EFCAB6: variants seen among roughly 807,000 people sequenced by gnomAD.
EFCAB6 encodes EF-hand calcium-binding domain-containing protein 6.
Under a neutral mutation model 169.8 loss-of-function variants are expected in EFCAB6, and 156 were observed. That is an observed-to-expected ratio of 0.92 (90% CI 0.81 to 1.05). The LOEUF (loss-of-function observed/expected upper bound fraction) is 1.05, where lower values mean the gene tolerates loss of function less well. Among genes scored for constraint, EFCAB6 ranks in the 50% least tolerant of loss-of-function variants. The pLI, the probability that EFCAB6 is intolerant of heterozygous loss-of-function variation, is 0.00. For synonymous variants in EFCAB6, 698 were observed against 676.4 expected (o/e 1.03, Z -0.50); for missense variants, 1,800 against 1,829.1 (o/e 0.98, Z 0.29).
chr22:43,673,489 T>C (rs2057583866), intron 13 of EFCAB6, among the ~76,000 whole-genome samples: 2 of 152,148 alleles, frequency 1.3e-5, no homozygotes, highest in Admixed American at 6.5e-5. Flanking sequence ...TAAAATTAGA[T>C]AGCAGGCCAG....
rs2054698007 is a variant in EFCAB6, at chr22:43,628,597, C to A, written c.2233-1918G>T. On this transcript the variant is annotated intron_variant, in intron 19 of 31. Transcript: ENST00000262726. This position sits in a 1 kb window ranked among gnomAD's most constrained non-coding sequence, Gnocchi z 4.8. ...GCCGTGGCCCACAAGCCTGTCTACA[C>A]CCCCATCCCACCCGTCCCCTCACTG... 6.6e-6 allele frequency among the ~76,000 whole-genome samples: 1 copy of A among 152,170 alleles called. No individual in the cohort carries two copies. The highest frequency in any genetic ancestry group is 2.4e-5 in the African/African-American group (1 of 41,430).
chr22:43,593,061 G>A (rs2147439305), intron 23 of EFCAB6, among the ~76,000 whole-genome samples: 1 of 135,810 alleles, frequency 7.4e-6, no homozygotes, highest in Middle Eastern at 3.6e-3. Context: ...GTATAGAGGA[G>A]GAGGTAAAAA....
intron 17 of EFCAB6, among the ~76,000 whole-genome samples, chr22:43,658,993 T>C (rs1227336505): frequency 6.6e-6 from 1 of 152,256 alleles, no homozygotes; most frequent in Non-Finnish European, 1.5e-5. Flanking sequence ...CTTTGCTCCG[T>C]GTGCTGAATC....
At chr22:43,709,631 A>C (rs1164003702) in intron 10 of EFCAB6, among the ~76,000 whole-genome samples, 1 of 152,246 alleles carries the variant, frequency 6.6e-6, no homozygotes, top group Non-Finnish European at 1.5e-5. Context: ...ATGTGGAACA[A>C]TGAAAATAGT....
In EFCAB6 at chr22:43,576,366, T is replaced by C; in HGVS notation, c.3351A>G (p.Leu1117=). Residue 1117 remains leucine, a synonymous_variant, in exon 26 of 32, where the codon CTA becomes CTG. Transcript: ENST00000262726. The stretch of plus-strand genomic sequence containing the variant: ...TTATATAGGGGGTTAGATGAATTCT[T>C]AGTTTCCTCAAAAAATAATGATACT... The part of the protein sequence containing the change: ...DNQYHYFLRK[L]RIHLTPYINW... 1 of 1,600,100 alleles carries C rather than the reference T, an allele frequency of 6.2e-7. No homozygotes were observed. The highest frequency in any genetic ancestry group is 8.5e-7 in the Non-Finnish European group (1 of 1,176,520).
chr22:43,618,143 G>GAAGGA (rs1555969590), intron 20 of EFCAB6, among the ~76,000 whole-genome samples: 3 of 63,970 alleles, frequency 4.7e-5, no homozygotes, highest in Non-Finnish European at 5.9e-5. Context: ...AGACAGAGAG[G>GAAGGA]AGGAAGGAAG....
intron 27 of EFCAB6, among the ~76,000 whole-genome samples, chr22:43,551,242 A>C (rs962949196): frequency 1.3e-5 from 2 of 152,208 alleles, no homozygotes; most frequent in African/African-American, 4.8e-5. Context: ...GGTCCCCAGC[A>C]AAGTAACTCA....
At chr22:43,791,547 GA>G (rs2062288732) in intron 2 of EFCAB6, among the ~76,000 whole-genome samples, 1 of 152,138 alleles carries the variant, frequency 6.6e-6, no homozygotes, top group African/African-American at 2.4e-5. Flanking sequence ...AGGAGACTGA[GA>G]AAGACCAGAG....
At position 43,773,118 on chromosome 22, in the gene EFCAB6, C is replaced by T. The variant is rs373600431; in HGVS notation, c.140-15G>A. The T allele has an allele frequency of 4.3e-6, 7 of 1,612,912 alleles. No individual in the cohort carries two copies. The highest frequency in any genetic ancestry group is 1.7e-5 in the Admixed American group (1 of 59,946). Reference sequence around the variant, plus strand: ...AACAGCTGTGGCTATAAAAGAGATACAGCTATTTATTAAACATGTTTAAAG... The same window carrying T: ...AACAGCTGTGGCTATAAAAGAGATATAGCTATTTATTAAACATGTTTAAAG... On this transcript the variant is annotated splice_polypyrimidine_tract_variant and intron_variant, in intron 3 of 31. Transcript: ENST00000262726.
In EFCAB6 at chr22:43,683,066, C is replaced by A. The variant is rs529106734; in HGVS notation, c.1251+681G>T. On this transcript the variant is annotated intron_variant, in intron 12 of 31. Coordinates refer to ENST00000262726, the MANE Select transcript of EFCAB6 (RefSeq NM_022785.4). ...AGGAGGCTGATGCTGAGCTAAGGGA[C>A]ACCTTTGGCCTCTGAAATCATCTGT... Among the ~76,000 whole-genome samples the A allele has an allele frequency of 1.0e-3, 159 of 152,270 alleles. 1 individual carries two copies. Among genetic ancestry groups the A allele is most frequent in the Middle Eastern group, 6.8e-3 (2 of 294 alleles).
chr22:43,556,199 G>A (rs1389172079), intron 26 of EFCAB6, among the ~76,000 whole-genome samples: 1 of 152,126 alleles, frequency 6.6e-6, no homozygotes, highest in Non-Finnish European at 1.5e-5. Context: ...TGAGCCTCCT[G>A]CAAAGAGGCA....
chr22:43,651,888 T>C (rs1163203072), intron 17 of EFCAB6, among the ~76,000 whole-genome samples: 1 of 152,216 alleles, frequency 6.6e-6, no homozygotes, highest in East Asian at 1.9e-4. Flanking sequence ...TCTCCCATTT[T>C]GAATGGCTGT....
At chr22:43,568,269 A>G (rs1010342493) in intron 26 of EFCAB6, among the ~76,000 whole-genome samples, 8 of 152,240 alleles carry the variant, frequency 5.3e-5, no homozygotes, top group Admixed American at 2.0e-4. Flanking sequence ...CAGCCACACT[A>G]TAAGTTACCT....
At chr22:43,691,344 C>T (rs1041992373) in intron 10 of EFCAB6, among the ~76,000 whole-genome samples, 1 of 152,032 alleles carries the variant, frequency 6.6e-6, no homozygotes, top group African/African-American at 2.4e-5. Flanking sequence ...ACTATAGCTG[C>T]TATGAAAAAT....
intron 8 of EFCAB6, among the ~76,000 whole-genome samples, chr22:43,720,782 T>C (rs5764237): frequency 0.78 from 118,237 of 151,908 alleles, 46,142 homozygotes; most frequent in East Asian, 0.87. Flanking sequence ...ATACAATACA[T>C]ATGATATGAA....
chr22:43,796,740 C>G (rs1365557987), intron 2 of EFCAB6, among the ~76,000 whole-genome samples: 1 of 152,190 alleles, frequency 6.6e-6, no homozygotes, highest in Non-Finnish European at 1.5e-5. Context: ...TATTTATAGT[C>G]AAGCCAAATC....
intron 23 of EFCAB6, among the ~76,000 whole-genome samples, chr22:43,595,055 G>T (rs895609775): frequency 6.6e-6 from 1 of 151,648 alleles, no homozygotes; most frequent in African/African-American, 2.4e-5. Flanking sequence ...TTAAGAAGAA[G>T]ATTAAAAATG....
chr22:43,784,068 A>T (rs1166592975), intron 2 of EFCAB6, among the ~76,000 whole-genome samples: 2 of 152,140 alleles, frequency 1.3e-5, no homozygotes, highest in African/African-American at 2.4e-5. Context: ...ACTCTGTCTC[A>T]AAATAAATAA....
chr22:43,621,089 A>ATT (rs3072756), intron 20 of EFCAB6, among the ~76,000 whole-genome samples: 14 of 141,678 alleles, frequency 9.9e-5, no homozygotes, highest in East Asian at 4.2e-4. Flanking sequence ...ACACTATGCA[A>ATT]TTTTTTTTTT....
Sources: allele counts gnomAD v4.1 joint callset (sites outside exome capture counted in the v4.1 genomes callset), GRCh38; gene constraint gnomAD v4.1.1; non-coding constraint Gnocchi (gnomAD v3.1); transcripts MANE v1.5; gene names NCBI Gene and HGNC (gene_info 2026-07-23, HGNC 2026-07-21).